Variants in FRMD6 observed in about 807,000 individuals in gnomAD.
FRMD6 encodes the protein FERM domain containing 6, also known as FERM domain-containing protein 6.
A neutral mutation model predicts 73.2 loss-of-function variants in FRMD6; 37 were observed. That is an observed-to-expected ratio of 0.51 (90% confidence interval 0.39 to 0.66). The LOEUF (loss-of-function observed/expected upper bound fraction) is 0.66, where lower values mean the gene tolerates loss of function less well. FRMD6 is among the 30% of genes least tolerant of loss of function. The probability of loss-of-function intolerance (pLI) is 0.00; values close to 1 mark genes in which losing one functional copy is unlikely to be tolerated. For missense variants in FRMD6, 714 were observed against 780.5 expected, an observed-to-expected ratio of 0.91 and a Z score of 1.02; for synonymous variants, 273 against 282.2, an observed-to-expected ratio of 0.97 and a Z score of 0.33.
chr14:51,509,289 C>T (rs1347279081), intron 1 of FRMD6, among the ~76,000 whole-genome samples: 2 of 152,076 alleles, frequency 1.3e-5, no homozygotes, highest in Middle Eastern at 3.2e-3. Context: ...TTTGGGAGGC[C>T]GAGGCTGGCG....
chr14:51,722,900 G>T (rs967425660), intron 12 of FRMD6, among the ~76,000 whole-genome samples: 1 of 152,172 alleles, frequency 6.6e-6, no homozygotes, highest in African/African-American at 2.4e-5. Flanking sequence ...GATGTTCATC[G>T]AGCCTCCTCC....
chr14:51,469,430 G>A, the FRMD6 span, among the ~76,000 whole-genome samples: 2 of 150,132 alleles, frequency 1.3e-5, no homozygotes, highest in African/African-American at 4.9e-5. Context: ...TGGCTAACAC[G>A]GTGAAACCCC....
intron 2 of FRMD6, among the ~76,000 whole-genome samples, chr14:51,604,963 G>A (rs951919170): frequency 6.6e-6 from 1 of 152,082 alleles, no homozygotes; most frequent in Non-Finnish European, 1.5e-5. Context: ...TCGTTGAAGT[G>A]TAATGGCCTA....
chr14:51,465,587 T>C, the FRMD6 span, among the ~76,000 whole-genome samples: 2 of 152,268 alleles, frequency 1.3e-5, no homozygotes, highest in East Asian at 3.8e-4. Context: ...AGAGTTTTCA[T>C]TATATAATTC....
chr14:51,654,306 G>GC (rs1555331549), intron 1 of FRMD6, among the ~76,000 whole-genome samples: 3 of 20,844 alleles, frequency 1.4e-4, no homozygotes, highest in Non-Finnish European at 1.3e-4. Context: ...TAGCTGAATT[G>GC]GGGGGGGGGT....
rs1378069176 is a variant in FRMD6 at position 51,610,411 on chromosome 14, C to A, written c.-147+40001C>A. Among the ~76,000 whole-genome samples, 130 of 150,340 alleles carry A rather than the reference C, an allele frequency of 8.6e-4. 1 individual carries two copies. Among genetic ancestry groups the A allele is most frequent in the Non-Finnish European group, 4.4e-5 (3 of 67,840 alleles). The stretch of plus-strand genomic sequence containing the variant: ...AGATAAATGCTTGTATTTGGTTGGC[C>A]ATTATTAGCTAAACATCTGTTTAAT... On this transcript the variant is annotated intron_variant, in intron 2 of 14. Coordinates refer to the FRMD6 transcript ENST00000356218.
chr14:51,542,151 A>G (rs549225175), intron 1 of FRMD6, among the ~76,000 whole-genome samples: 7 of 152,174 alleles, frequency 4.6e-5, no homozygotes, highest in African/African-American at 1.7e-4. Context: ...AATACACACA[A>G]CAAAATTTCC....
intron 2 of FRMD6, among the ~76,000 whole-genome samples, chr14:51,613,445 C>G (rs756262270): frequency 6.6e-6 from 1 of 152,068 alleles, no homozygotes; most frequent in Admixed American, 6.6e-5. Flanking sequence ...GGTGAAGAAT[C>G]CAAGAAGACA....
chr14:51,659,908 C>G (rs1410400396), intron 1 of FRMD6, among the ~76,000 whole-genome samples: 1 of 152,126 alleles, frequency 6.6e-6, no homozygotes. Flanking sequence ...GATTTTAAAC[C>G]ATTCATTCAA....
At chr14:51,513,811 G>A (rs1028950157) in intron 1 of FRMD6, among the ~76,000 whole-genome samples, 1 of 152,010 alleles carries the variant, frequency 6.6e-6, no homozygotes, top group African/African-American at 2.4e-5. Context: ...CTGAGCCCTG[G>A]CATCTCCCCA....
chr14:51,411,619 A>G, the FRMD6 span, among the ~76,000 whole-genome samples: 2,003 of 152,328 alleles, frequency 0.013, 27 homozygotes, highest in African/African-American at 0.033. Context: ...GCATCAATCT[A>G]TGCACCCATG....
At chr14:51,401,722 A>C in the FRMD6 span, among the ~76,000 whole-genome samples, 14 of 152,204 alleles carry the variant, frequency 9.2e-5, no homozygotes, top group African/African-American at 3.4e-4. Context: ...CACGTGACTG[A>C]GACTAATATG....
intron 2 of FRMD6, among the ~76,000 whole-genome samples, chr14:51,572,748 G>T (rs1377003316): frequency 6.6e-6 from 1 of 152,210 alleles, no homozygotes; most frequent in African/African-American, 2.4e-5. Flanking sequence ...TAAGATGGTT[G>T]AAAAGGGAGC....
chr14:51,674,432 C>T (rs1894240642), intron 1 of FRMD6, among the ~76,000 whole-genome samples: 1 of 152,070 alleles, frequency 6.6e-6, no homozygotes, highest in Admixed American at 6.6e-5. Flanking sequence ...GAGCAGTGGT[C>T]CTGCCATGCC....
the FRMD6 span, among the ~76,000 whole-genome samples, chr14:51,477,522 C>G: frequency 6.6e-6 from 1 of 151,872 alleles, no homozygotes; most frequent in African/African-American, 2.4e-5. Context: ...GTGTTGGAGA[C>G]TATTCAAAAT....
At chr14:51,629,400 C>G (rs1891253355) in intron 2 of FRMD6, among the ~76,000 whole-genome samples, 1 of 152,162 alleles carries the variant, frequency 6.6e-6, no homozygotes, top group Non-Finnish European at 1.5e-5. Context: ...AGCAAAATTC[C>G]TAGGTAATAT....
At chr14:51,520,163 AG>A (rs1884866420) in intron 1 of FRMD6, among the ~76,000 whole-genome samples, 1 of 152,252 alleles carries the variant, frequency 6.6e-6, no homozygotes, top group Admixed American at 6.5e-5. Flanking sequence ...AATGGGCAAA[AG>A]ACTTCAACAA....
intron 12 of FRMD6, among the ~76,000 whole-genome samples, chr14:51,724,979 T>G (rs1257816391): frequency 6.6e-6 from 1 of 152,108 alleles, no homozygotes; most frequent in Admixed American, 6.5e-5. Flanking sequence ...GCTAAAGTGC[T>G]TAGGTTAGGT....
At chr14:51,669,473 A>C (rs985984723) in intron 1 of FRMD6, among the ~76,000 whole-genome samples, 1 of 152,212 alleles carries the variant, frequency 6.6e-6, no homozygotes, top group African/African-American at 2.4e-5. Flanking sequence ...CATTCCCACC[A>C]GCCATGTCTG....
Sources: allele counts gnomAD v4.1 joint callset (sites outside exome capture counted in the v4.1 genomes callset), GRCh38; gene constraint gnomAD v4.1.1; transcripts MANE v1.5; gene names NCBI Gene and HGNC (gene_info 2026-07-23, HGNC 2026-07-21).